EEPD1: variants seen among roughly 807,000 people sequenced by gnomAD.
EEPD1 encodes endonuclease/exonuclease/phosphatase family domain containing 1.
In EEPD1, 17 loss-of-function variants were observed where a neutral mutation model predicts 46.3. The observed-to-expected ratio is 0.37, with a 90% CI of 0.25 to 0.55. EEPD1 has a LOEUF of 0.55. EEPD1 is among the 20% of genes least tolerant of loss of function. The probability of loss-of-function intolerance (pLI) is 0.83; values close to 1 mark genes in which losing one functional copy is unlikely to be tolerated. For missense variants in EEPD1, 673 were observed against 745.6 expected (o/e 0.90, Z 1.13); for synonymous variants, 313 against 315.6 (o/e 0.99, Z 0.09).
At chr7:36,247,742 T>C (rs539145892) in intron 3 of EEPD1, among the ~76,000 whole-genome samples, 1 of 152,352 alleles carries the variant, frequency 6.6e-6, no homozygotes, top group African/African-American at 2.4e-5. Context: ...GCTGCCCATC[T>C]TCTGTGATCT....
rs756635003 is a variant in EEPD1 at position 36,299,220 on chromosome 7, A to G, written c.*14A>G. 5 of 1,612,176 alleles carry G rather than the reference A, an allele frequency of 3.1e-6. No homozygotes were observed. Among genetic ancestry groups the G allele is most frequent in the African/African-American group, 2.7e-5 (2 of 74,886 alleles). On this transcript the variant is annotated 3_prime_UTR_variant, in exon 8 of 8. Transcript: ENST00000242108. ...CACGAGCGATGATGACACCAAATCCATGTGTCCACCCTGGGACCCAGGAGG... is the reference window on the plus strand; with the variant it reads ...CACGAGCGATGATGACACCAAATCCGTGTGTCCACCCTGGGACCCAGGAGG...
intron 2 of EEPD1, among the ~76,000 whole-genome samples, chr7:36,169,363 G>A (rs953946996): frequency 2.0e-5 from 3 of 152,190 alleles, no homozygotes; most frequent in Admixed American, 6.5e-5. Context: ...CAATGTATGA[G>A]GGGCTATTTC....
At chr7:36,298,827 C>T (rs1787568474) in intron 7 of EEPD1, among the ~76,000 whole-genome samples, 180 bp from the exon 8 acceptor site, 1 of 152,252 alleles carries the variant, frequency 6.6e-6, no homozygotes, top group African/African-American at 2.4e-5. Context: ...GAAAATCAAA[C>T]TGGCCGAGAC....
chr7:36,236,069 C>A (rs1201852118), intron 2 of EEPD1, among the ~76,000 whole-genome samples: 1 of 152,192 alleles, frequency 6.6e-6, no homozygotes, highest in Non-Finnish European at 1.5e-5. Context: ...GGGTCACAGG[C>A]ATGCACCACC....
At chr7:36,275,510 G>T (rs907880131) in intron 3 of EEPD1, among the ~76,000 whole-genome samples, 5 of 152,050 alleles carry the variant, frequency 3.3e-5, no homozygotes, top group Admixed American at 6.6e-5. Context: ...GTAGTGGCGC[G>T]ATCTCGGCTC....
chr7:36,295,411 A>G (rs1400878843), intron 6 of EEPD1, among the ~76,000 whole-genome samples: 1 of 152,198 alleles, frequency 6.6e-6, no homozygotes, highest in Non-Finnish European at 1.5e-5. Flanking sequence ...CCTCATAAGT[A>G]TCCATGAGTC....
At chr7:36,239,234 G>A (rs945341418) in intron 3 of EEPD1, among the ~76,000 whole-genome samples, 198 bp downstream of exon 3, 8 of 152,094 alleles carry the variant, frequency 5.3e-5, no homozygotes, top group African/African-American at 1.7e-4. Flanking sequence ...CTACAAACTC[G>A]GCTGTACCTG....
Position 36,299,374 on chromosome 7 carries a change from G to A in EEPD1, c.*168G>A, listed in dbSNP as rs369525400. 2.3e-6 allele frequency: 2 copies of A among 858,352 alleles called. No homozygotes were observed. The highest frequency in any genetic ancestry group is 5.3e-5 in the East Asian group (2 of 37,494). The allele number at this position is 858,352 out of a possible 1,614,324, so 53.2% of individuals were successfully genotyped here. A position where few individuals can be genotyped will look rare whatever the true frequency, so the allele number is the denominator to read the frequency against. On this transcript the variant is annotated 3_prime_UTR_variant, in exon 8 of 8. Coordinates refer to ENST00000242108, the MANE Select transcript of EEPD1 (RefSeq NM_030636.3). ...CTCTGTGGACCATTCAGGACCTCCA[G>A]TGGGGGTGGCGTGCCAGGCGCGTAC...
At chr7:36,296,925 G>GGCC (rs1787534985) in intron 6 of EEPD1, 68 bp from the exon 7 acceptor site, 1 of 1,531,452 alleles carries the variant, frequency 6.5e-7, no homozygotes, top group Non-Finnish European at 8.9e-7. Flanking sequence ...CGTTTCAAAG[G>GGCC]GCCACGGTCA....
intron 2 of EEPD1, among the ~76,000 whole-genome samples, chr7:36,228,057 C>T (rs1184137338): frequency 1.3e-5 from 2 of 149,612 alleles, no homozygotes; most frequent in African/African-American, 5.1e-5. Context: ...CCACCCTGGG[C>T]AACACAGTGA....
intron 2 of EEPD1, among the ~76,000 whole-genome samples, chr7:36,216,797 C>T (rs73690305): frequency 0.031 from 4,676 of 152,246 alleles, 256 homozygotes; most frequent in African/African-American, 0.11. Context: ...TACAACATTA[C>T]TTGGTGGCAA....
intron 7 of EEPD1, 123 bp downstream of exon 7, chr7:36,297,310 TA>T: frequency 9.1e-7 from 1 of 1,099,150 alleles, no homozygotes; most frequent in Non-Finnish European, 1.3e-6. Flanking sequence ...TACGTGACTG[TA>T]TAACTGTCAT....
At chr7:36,209,616 C>T (rs973891220) in intron 2 of EEPD1, among the ~76,000 whole-genome samples, 1 of 151,956 alleles carries the variant, frequency 6.6e-6, no homozygotes, top group Admixed American at 6.6e-5. Flanking sequence ...CTGAATACCG[C>T]GGGCCAGAGG....
intron 2 of EEPD1, among the ~76,000 whole-genome samples, chr7:36,172,515 A>G (rs2115631855): frequency 6.6e-6 from 1 of 152,034 alleles, no homozygotes; most frequent in East Asian, 1.9e-4. Flanking sequence ...AGTATCCTTT[A>G]TAACAAGCTT....
chr7:36,197,477 G>A (rs1274847849), intron 2 of EEPD1, among the ~76,000 whole-genome samples: 1 of 152,236 alleles, frequency 6.6e-6, no homozygotes, highest in African/African-American at 2.4e-5. Context: ...AGAAAAGGGG[G>A]CAAGGTGGGG....
chr7:36,177,605 T>C (rs944026840), intron 2 of EEPD1, among the ~76,000 whole-genome samples: 1 of 152,222 alleles, frequency 6.6e-6, no homozygotes, highest in African/African-American at 2.4e-5. Context: ...TTTCATTTTT[T>C]TTATGGCTGT....
chr7:36,275,756 G>A (rs539318894), intron 3 of EEPD1, among the ~76,000 whole-genome samples: 2 of 152,186 alleles, frequency 1.3e-5, no homozygotes, highest in East Asian at 1.9e-4. Flanking sequence ...CACTGCGCCC[G>A]AACCACCTTT....
chr7:36,220,887 C>A (rs1315754644), intron 2 of EEPD1, among the ~76,000 whole-genome samples: 2 of 152,186 alleles, frequency 1.3e-5, no homozygotes, highest in African/African-American at 4.8e-5. Context: ...GCAACCTCCA[C>A]CTCCTGGGTT....
intron 4 of EEPD1, among the ~76,000 whole-genome samples, chr7:36,281,967 A>G (rs935324031): frequency 3.3e-5 from 5 of 152,252 alleles, no homozygotes; most frequent in Admixed American, 2.6e-4. Context: ...TTTATAATGT[A>G]GGCTCTTAAA....
Sources: allele counts gnomAD v4.1 joint callset (sites outside exome capture counted in the v4.1 genomes callset), GRCh38; gene constraint gnomAD v4.1.1; transcripts MANE v1.5; gene names NCBI Gene and HGNC (gene_info 2026-07-23, HGNC 2026-07-21).